Variants in AKAP13 observed in about 807,000 individuals in gnomAD.
The protein encoded by AKAP13 is A-kinase anchoring protein 13.
AKAP13 carries 80 observed loss-of-function variants against 264.5 expected under a neutral mutation model. That is an observed-to-expected ratio of 0.30 (90% confidence interval 0.25 to 0.36). AKAP13 has a LOEUF of 0.36. Among genes scored for constraint, AKAP13 ranks in the 10% least tolerant of loss-of-function variants. AKAP13 has a pLI of 1.00. For missense variants in AKAP13, 3,712 were observed against 3,435.2 expected, an observed-to-expected ratio of 1.08 and a Z score of -2.01; for synonymous variants, 1,380 against 1,250.2, an observed-to-expected ratio of 1.10 and a Z score of -2.19.
At chr15:85,445,610 C>T (rs555749336) in intron 1 of AKAP13, among the ~76,000 whole-genome samples, 1 of 152,162 alleles carries the variant, frequency 6.6e-6, no homozygotes, top group Non-Finnish European at 1.5e-5. Context: ...TTTGGACTTT[C>T]ATAGCACTGT....
At chr15:85,464,264 T>C (rs1043793462) in intron 1 of AKAP13, among the ~76,000 whole-genome samples, 27 of 152,184 alleles carry the variant, frequency 1.8e-4, no homozygotes, top group African/African-American at 6.5e-4. Context: ...GTGTTAAAAA[T>C]AGTTGTTAGA....
chr15:85,723,428 CT>C, intron 26 of AKAP13, 108 bp downstream of exon 26: 1 of 1,456,720 alleles, frequency 6.9e-7, no homozygotes, highest in Admixed American at 2.1e-5. Flanking sequence ...GAGAGCCCAT[CT>C]CTAAACACTA....
At position 85,691,998 on chromosome 15, in the gene AKAP13, C is replaced by A. The variant is rs1213161557; in HGVS notation, c.5290-1279C>A. ...CCTTGGGACTTCCTTTCCCTGGAAC[C>A]CCATTTTTTTAAAGGAAGTGACCCT... is the stretch of plus-strand genomic sequence containing the variant. On this transcript the variant is annotated intron_variant, in intron 16 of 36. Coordinates refer to ENST00000394518, the MANE Select transcript of AKAP13 (RefSeq NM_007200.5). 4.6e-5 allele frequency: 19 copies of A among 411,928 alleles called. No homozygotes were observed. The East Asian group carries it at 1.4e-3, about 30-fold the overall frequency. The allele number at this position is 411,928 out of a possible 1,614,324, so 25.5% of individuals were successfully genotyped here.
At chr15:85,621,548 CTGAG>C (rs1829446512) in intron 8 of AKAP13, 1 of 152,062 alleles carries the variant, frequency 6.6e-6, no homozygotes, top group African/African-American at 2.4e-5. Flanking sequence ...AAAAGAAAAT[CTGAG>C]TATCACAAGA....
intron 26 of AKAP13, among the ~76,000 whole-genome samples, chr15:85,725,085 TC>T (rs2087532888): frequency 1.3e-5 from 2 of 152,200 alleles, no homozygotes; most frequent in South Asian, 4.1e-4. Context: ...CTTTATTCTT[TC>T]CTTTACATAG....
chr15:85,474,815 T>G, intron 1 of AKAP13, among the ~76,000 whole-genome samples: 1 of 152,150 alleles, frequency 6.6e-6, no homozygotes, highest in East Asian at 1.9e-4. Context: ...TTGAAGACAA[T>G]ATTTATTCTC....
At chr15:85,464,456 CTG>C (rs1320733208) in intron 1 of AKAP13, among the ~76,000 whole-genome samples, 2 of 148,368 alleles carry the variant, frequency 1.3e-5, no homozygotes, top group Non-Finnish European at 1.5e-5. Context: ...GAAACTTAAT[CTG>C]TATGATAAGC....
chr15:85,698,943 CAAAAAAAAAA>C (rs10715702), intron 17 of AKAP13, among the ~76,000 whole-genome samples: 19 of 72,846 alleles, frequency 2.6e-4, no homozygotes, highest in East Asian at 4.5e-4. Flanking sequence ...GACCTTGTCT[CAAAAAAAAAA>C]AAAAAAAAAA....
chr15:85,413,150 G>T (rs747852592), intron 1 of AKAP13, among the ~76,000 whole-genome samples: 8 of 152,242 alleles, frequency 5.3e-5, no homozygotes, highest in Non-Finnish European at 1.2e-4. Context: ...GAATGCTGTT[G>T]TCTGAAGATT....
intron 12 of AKAP13, among the ~76,000 whole-genome samples, chr15:85,660,780 A>T (rs1567180404): frequency 6.6e-6 from 1 of 152,182 alleles, no homozygotes; most frequent in Non-Finnish European, 1.5e-5. Context: ...CTGCTTCTGC[A>T]CTTGTAAGCT....
chr15:85,741,102 G>C lies in AKAP13; in HGVS notation c.7665G>C (p.Glu2555Asp). 2 of 1,613,656 alleles carry C rather than the reference G, an allele frequency of 1.2e-6. No homozygotes were observed. Among genetic ancestry groups the C allele is most frequent in the Middle Eastern group, 3.4e-4 (2 of 5,942 alleles). The change falls in exon 35 of 37, where the codon GAG (glutamate) becomes GAC (aspartate). Residue 2555 changes from glutamate to aspartate, a missense_variant. Physicochemically the swap from Glu to Asp is conservative, Grantham distance 45. Transcript: ENST00000394518. ...AGGACCAGAAACTGGTGCTGAGCGA[G>C]AGGGCGCTCACTCGCAGCTTGTCCC... The part of the protein sequence containing the change: ...YIEDQKLVLS[E>D]RALTRSLSRP...
rs776902577 is a variant in AKAP13, at chr15:85,581,164, C to T, written c.3096C>T (p.Ala1032=). Residue 1032 remains alanine (A), a synonymous_variant, in exon 7 of 37, where the codon GCC becomes GCT. Transcript: ENST00000394518. The part of the protein sequence containing the change: ...ASLATESRQE[A]LGAEHNSSAL... ...TGGCCACAGAGTCAAGGCAGGAAGC[C>T]TTGGGGGCAGAGCACAACAGCTCCG... 14 of 1,614,046 alleles carry T rather than the reference C, an allele frequency of 8.7e-6. No individual in the cohort carries two copies. Among genetic ancestry groups the T allele is most frequent in the Admixed American group, 5.0e-5 (3 of 60,008 alleles).
intron 3 of AKAP13, among the ~76,000 whole-genome samples, chr15:85,532,862 A>G (rs2077285522): frequency 6.6e-6 from 1 of 152,168 alleles, no homozygotes; most frequent in Non-Finnish European, 1.5e-5. Context: ...GGCACCATGG[A>G]GTCCTTGGCA....
Position 85,579,429 on chromosome 15 carries a change from C to A in AKAP13, c.1361C>A (p.Pro454Gln), listed in dbSNP as rs1291409348. 6.2e-7 allele frequency: 1 copy of A among 1,614,152 alleles called. No homozygotes were observed. The highest frequency in any genetic ancestry group is 2.2e-5 in the East Asian group (1 of 44,888). The change falls in exon 7 of 37, where the codon CCA becomes CAA. Residue 454 changes from proline to glutamine, a missense_variant. Coordinates refer to ENST00000394518, the MANE Select transcript of AKAP13 (RefSeq NM_007200.5). ...CTTCAGAGAGACTTGGTCATGGAGCCAGGCACAGCCCAGTATTCCTCTGGA... is the reference window on the plus strand; with the variant it reads ...CTTCAGAGAGACTTGGTCATGGAGCAAGGCACAGCCCAGTATTCCTCTGGA... Reference protein sequence around the residue: ...AVLQRDLVMEPGTAQYSSGGE... With the variant: ...AVLQRDLVMEQGTAQYSSGGE...
rs538627402 is a variant in AKAP13 at position 85,406,232 on chromosome 15, G to A, written c.-12+25434G>A. Among the ~76,000 whole-genome samples the A allele has an allele frequency of 2.6e-5, 4 of 152,212 alleles. No individual in the cohort carries two copies. The South Asian group carries it at 6.2e-4, about 24-fold the overall frequency. ...CTTTGATTAAGACTGCACACCCCAC[G>A]GTAGTGCAGTTATTTCCATTGTGCC... On this transcript the variant is annotated intron_variant, in intron 1 of 36. Transcript: ENST00000394518.
rs773395257 is a variant in AKAP13, at chr15:85,581,827, C to G, written c.3759C>G (p.Ser1253Arg). The change falls in exon 7 of 37, where the codon AGC becomes AGG. Residue 1253 changes from serine (S) to arginine (R), a missense_variant. Around this residue, in one of 3 missense-constraint regions of AKAP13, gnomAD observed 2,759 missense variants for 2,411.7 expected, o/e 1.14. Coordinates refer to ENST00000394518, the MANE Select transcript of AKAP13 (RefSeq NM_007200.5). Reference sequence around the variant, plus strand: ...CAGACTTGATAGAGGAGGCTGCCAGCCGTATAGTGGATGCTGTCATCGAAC... The same window carrying G: ...CAGACTTGATAGAGGAGGCTGCCAGGCGTATAGTGGATGCTGTCATCGAAC... ...KGADLIEEAASRIVDAVIEQV... is the reference protein window; with the variant it reads ...KGADLIEEAARRIVDAVIEQV... 16 of 1,614,168 alleles carry G rather than the reference C, an allele frequency of 9.9e-6. No homozygotes were observed. In the South Asian group the frequency reaches 1.8e-4, roughly 18 times the overall value.
intron 17 of AKAP13, among the ~76,000 whole-genome samples, chr15:85,697,928 A>G (rs2085659028): frequency 6.6e-6 from 1 of 152,184 alleles, no homozygotes; most frequent in South Asian, 2.1e-4. Flanking sequence ...CATTTGACTG[A>G]ATTCTGCAAG....
chr15:85,560,066 G>A (rs900240250), intron 5 of AKAP13, among the ~76,000 whole-genome samples: 8 of 141,510 alleles, frequency 5.7e-5, no homozygotes, highest in African/African-American at 8.1e-5. Flanking sequence ...AGATGTCTGC[G>A]TCATGGTTTA....
Position 85,718,277 on chromosome 15 carries a change from T to G in AKAP13, c.6001+118T>G. 7.8e-7 allele frequency: 1 copy of G among 1,280,018 alleles called. No homozygotes were observed. The highest frequency in any genetic ancestry group is 1.1e-6 in the Non-Finnish European group (1 of 929,042). 79.3% of individuals were successfully genotyped at this position (1,280,018 alleles called of 1,614,324 possible). On this transcript the variant is annotated intron_variant, in intron 22 of 36. Transcript: ENST00000394518. The surrounding 1 kb of genome is among the most constrained non-coding windows in gnomAD (Gnocchi z 4.9). The stretch of plus-strand genomic sequence containing the variant: ...TAGTATGTGGCTTCTTGAAAAGATT[T>G]CCTTTAAAAACTTTAAGGTACAGAG...
Sources: gnomAD v4.1 joint callset for allele counts (sites outside exome capture counted in the v4.1 genomes callset) on GRCh38, gnomAD v4.1.1 for gene constraint, gnomAD v4.1.1 regional missense constraint, Gnocchi (gnomAD v3.1) non-coding constraint, MANE v1.5 for transcripts, NCBI Gene and HGNC (gene_info 2026-07-23, HGNC 2026-07-21) for gene names.